Variants in WFS1 observed in about 807,000 individuals in gnomAD.
WFS1 encodes wolframin.
Under a neutral mutation model 68.5 loss-of-function variants are expected in WFS1, and 90 were observed. The observed-to-expected ratio is 1.31, with a 90% CI of 1.11 to 1.56. The LOEUF (loss-of-function observed/expected upper bound fraction) is 1.56. WFS1 is among the 40% of genes most tolerant of loss of function. The pLI is 0.00. For synonymous variants in WFS1, 860 were observed against 540.7 expected, an observed-to-expected ratio of 1.59 and a Z score of -8.19; for missense variants, 1,767 against 1,232.6, an observed-to-expected ratio of 1.43 and a Z score of -6.49.
At chr4:6,275,192 A>C (rs1165366136) in intron 1 of WFS1, among the ~76,000 whole-genome samples, 2 of 152,348 alleles carry the variant, frequency 1.3e-5, no homozygotes, top group Middle Eastern at 6.8e-3. Context: ...GTCAGCCCTC[A>C]GTAAAGGTGC....
At chr4:6,291,817 A>G in intron 5 of WFS1, 100 bp from the exon 6 acceptor site, 1 of 1,304,000 alleles carries the variant, frequency 7.7e-7, no homozygotes. Flanking sequence ...TGCCCCTGGA[A>G]CTGGCGTGCC....
At chr4:6,284,835 C>T (rs1019244502) in intron 2 of WFS1, among the ~76,000 whole-genome samples, 1 of 150,560 alleles carries the variant, frequency 6.6e-6, no homozygotes, top group Non-Finnish European at 1.5e-5. Context: ...TGGATCCACA[C>T]GTGCGTCTGT....
chr4:6,277,385 C>G, intron 1 of WFS1, 66 bp from the exon 2 acceptor site: 1 of 1,457,930 alleles, frequency 6.9e-7, no homozygotes, highest in Non-Finnish European at 9.4e-7. Context: ...CTGTCTCCAG[C>G]AGACACTAAG....
chr4:6,302,647 T>A lies in WFS1; in HGVS notation c.*179T>A. 2.3e-6 allele frequency: 2 copies of A among 856,160 alleles called. No homozygotes were observed. Among genetic ancestry groups the A allele is most frequent in the Non-Finnish European group, 3.6e-6 (2 of 558,064 alleles). The allele number at this position is 856,160 out of a possible 1,614,324, so 53.0% of individuals were successfully genotyped here. On this transcript the variant is annotated 3_prime_UTR_variant, in exon 8 of 8. Transcript: ENST00000226760. ...CCCCGACAAAGGGAAGGCTGCTGTG[T>A]AGCTCTGTCCACTCTGAATACCAAG...
chr4:6,276,957 G>A (rs1341687219), intron 1 of WFS1, among the ~76,000 whole-genome samples: 1 of 152,194 alleles, frequency 6.6e-6, no homozygotes, highest in East Asian at 1.9e-4. Flanking sequence ...TTGGAGCCAG[G>A]GCTTCCCTAC....
At chr4:6,293,005 GGA>G (rs1357226979) in intron 6 of WFS1, among the ~76,000 whole-genome samples, 1 of 152,218 alleles carries the variant, frequency 6.6e-6, no homozygotes, top group Non-Finnish European at 1.5e-5. Context: ...TCCATTTGGG[GGA>G]GACAAAGAAA....
In WFS1 at chr4:6,300,336, C is replaced by G. The variant is rs374171849; in HGVS notation, c.862-321C>G. Reference sequence around the variant, plus strand: ...CCCTGAGGGGAGGGAAGTGGGGAGCCCGTGGGTCCCTCCAGTGCTGGAGGT... The same window carrying G: ...CCCTGAGGGGAGGGAAGTGGGGAGCGCGTGGGTCCCTCCAGTGCTGGAGGT... On this transcript the variant is annotated intron_variant, in intron 7 of 7. Coordinates refer to ENST00000226760, the MANE Select transcript of WFS1 (RefSeq NM_006005.3). Among the ~76,000 whole-genome samples, 41 of 152,244 alleles carry G rather than the reference C, an allele frequency of 2.7e-4. 2 individuals are homozygous for G. The South Asian group carries it at 7.5e-3, about 28-fold the overall frequency.
In WFS1 at chr4:6,301,558, G is replaced by A; in HGVS notation, c.1763G>A (p.Trp588Ter). Residue 588 changes from tryptophan to a stop codon, truncating the protein, a stop_gained, in exon 8 of 8, where the codon TGG becomes TAG. Coordinates refer to ENST00000226760, the MANE Select transcript of WFS1 (RefSeq NM_006005.3). LOFTEE classifies it high-confidence loss of function. ...ALVGVLQFAR[W>*]FTSLELTKIA... ...GTGGGCGTGCTGCAGTTCGCCCGGT[G>A]GTTCACGTCTCTGGAGCTCACCAAG... is the stretch of plus-strand genomic sequence containing the variant. 6.2e-7 allele frequency: 1 copy of A among 1,614,130 alleles called. No homozygotes were observed. Among genetic ancestry groups the A allele is most frequent in the Non-Finnish European group, 8.5e-7 (1 of 1,180,034 alleles).
At chr4:6,273,053 T>C (rs1039740866) in intron 1 of WFS1, among the ~76,000 whole-genome samples, 2 of 152,248 alleles carry the variant, frequency 1.3e-5, no homozygotes, top group African/African-American at 4.8e-5. Flanking sequence ...GAGGCACTGA[T>C]CAGAGAGAGT....
intron 7 of WFS1, among the ~76,000 whole-genome samples, chr4:6,298,617 C>G (rs1418384511): frequency 2.6e-5 from 4 of 152,076 alleles, no homozygotes; most frequent in Non-Finnish European, 4.4e-5. Context: ...CTGTCCTTCT[C>G]ATCTGTGGAA....
At position 6,292,394 on chromosome 4, in the gene WFS1, T is replaced by C. The variant is rs1316070822; in HGVS notation, c.712+397T>C. Among the ~76,000 whole-genome samples, 6 of 151,312 alleles carry C rather than the reference T, an allele frequency of 4.0e-5. No homozygotes were observed. The East Asian group carries it at 1.2e-3, about 29-fold the overall frequency. ...GGGGCTCCGGGCAGAGGGAACAGCATGAGCAAAGGCCCAGGAGACCCAGCA... is the reference window on the plus strand; with the variant it reads ...GGGGCTCCGGGCAGAGGGAACAGCACGAGCAAAGGCCCAGGAGACCCAGCA... On this transcript the variant is annotated intron_variant, in intron 6 of 7. Coordinates refer to ENST00000226760, the MANE Select transcript of WFS1 (RefSeq NM_006005.3).
chr4:6,302,583 G>A lies in WFS1; in HGVS notation c.*115G>A. ...GCCTGTGCCCACGTGTGCAGACTGTGGCTGCAGAGACCTTGCGACCATGTG... is the reference window on the plus strand; with the variant it reads ...GCCTGTGCCCACGTGTGCAGACTGTAGCTGCAGAGACCTTGCGACCATGTG... On this transcript the variant is annotated 3_prime_UTR_variant, in exon 8 of 8. Transcript: ENST00000226760. The A allele has an allele frequency of 6.8e-7, 1 of 1,481,018 alleles. No homozygotes were observed. The highest frequency in any genetic ancestry group is 1.2e-5 in the South Asian group (1 of 80,048). The allele number at this position is 1,481,018 out of a possible 1,614,324, so 91.7% of individuals were successfully genotyped here.
intron 3 of WFS1, chr4:6,288,588 T>G (rs1171980025): frequency 2.2e-5 from 7 of 322,044 alleles, no homozygotes; most frequent in Non-Finnish European, 4.2e-5. Flanking sequence ...AACCCTTGGT[T>G]AGCTGGCGTC....
At chr4:6,277,153 G>T (rs1219103578) in intron 1 of WFS1, among the ~76,000 whole-genome samples, 2 of 152,264 alleles carry the variant, frequency 1.3e-5, no homozygotes, top group Non-Finnish European at 2.9e-5. Flanking sequence ...GATGAGGGAA[G>T]GCCAGGGTTG....
At chr4:6,291,809 CCCCTGGAACTGGCGTG>C in intron 5 of WFS1, 92 bp from the exon 6 acceptor site, 1 of 1,198,718 alleles carries the variant, frequency 8.3e-7, no homozygotes, top group Non-Finnish European at 1.2e-6. Flanking sequence ...ACGTAGGATG[CCCCTGGAACTGGCGTG>C]CCCTAGGAAC....
At chr4:6,272,657 G>C (rs1301092372) in intron 1 of WFS1, among the ~76,000 whole-genome samples, 1 of 152,170 alleles carries the variant, frequency 6.6e-6, no homozygotes, top group African/African-American at 2.4e-5. Context: ...ATTCATTATA[G>C]AAAACTAGGG....
In WFS1 at chr4:6,300,898, G is replaced by A. The variant is rs397517194; in HGVS notation, c.1103G>A (p.Ser368Asn). Residue 368 changes from serine to asparagine, a missense_variant, in exon 8 of 8, where the codon AGC becomes AAC. Ser to Asn is a conservative substitution (Grantham distance 46). Coordinates refer to ENST00000226760, the MANE Select transcript of WFS1 (RefSeq NM_006005.3). ...VICTLKVFQDSKAWENFRTLT... is the reference protein window; with the variant it reads ...VICTLKVFQDNKAWENFRTLT... The stretch of plus-strand genomic sequence containing the variant: ...TGCACCCTCAAGGTGTTCCAGGACA[G>A]CAAGGCCTGGGAGAACTTCCGCACC... The A allele has an allele frequency of 3.7e-6, 6 of 1,614,032 alleles. No individual in the cohort carries two copies. Among genetic ancestry groups the A allele is most frequent in the Non-Finnish European group, 5.1e-6 (6 of 1,180,032 alleles).
In WFS1 at chr4:6,301,200, T is replaced by C; in HGVS notation, c.1405T>C (p.Ser469Pro). The C allele has an allele frequency of 1.2e-6, 2 of 1,612,192 alleles. No individual in the cohort carries two copies. Among genetic ancestry groups the C allele is most frequent in the Non-Finnish European group, 1.7e-6 (2 of 1,179,894 alleles). ...CACCGAGGTCACCGCCGGCCTGCTA[T>C]CGCTGCTGCCCTCCATGCCCTTGAA... ...LATEVTAGLL[S>P]LLPSMPLNWP... is the part of the protein sequence containing the mutation. Residue 469 changes from serine (S) to proline (P), a missense_variant, in exon 8 of 8, where the codon TCG becomes CCG. Physicochemically the swap from Ser to Pro is moderately conservative, Grantham distance 74. Coordinates refer to ENST00000226760, the MANE Select transcript of WFS1 (RefSeq NM_006005.3).
Position 6,302,400 on chromosome 4 carries a change from A to AGCACCGTGCATGGCGCC in WFS1, c.2607_2623dup (p.Val875AlafsTer7). 1 of 1,613,158 alleles carries AGCACCGTGCATGGCGCC rather than the reference A, an allele frequency of 6.2e-7. No homozygotes were observed. ...CGTGAAGATCGAGCACGACTGGCGC[A>AGCACCGTGCATGGCGCC]GCACCGTGCATGGCGCCGTGAAGTT... is the stretch of plus-strand genomic sequence containing the variant. On this transcript the variant is annotated frameshift_variant, in exon 8 of 8. Coordinates refer to ENST00000226760, the MANE Select transcript of WFS1 (RefSeq NM_006005.3). LOFTEE classifies it high-confidence loss of function.
Sources: allele counts gnomAD v4.1 joint callset (sites outside exome capture counted in the v4.1 genomes callset), GRCh38; gene constraint gnomAD v4.1.1; transcripts MANE v1.5; gene names NCBI Gene and HGNC (gene_info 2026-07-23, HGNC 2026-07-21).